The following ERMP1 variants were observed in gnomAD, a reference collection of about 807,000 sequenced individuals.
ERMP1 encodes the protein endoplasmic reticulum metallopeptidase 1, also known as Felix-ina.
Under a neutral mutation model 92.0 loss-of-function variants are expected in ERMP1, and 86 were observed. The ratio of observed to expected loss-of-function variants is 0.93; its 90% CI spans 0.79 to 1.12. The LOEUF (loss-of-function observed/expected upper bound fraction) is 1.12. ERMP1 is among the 50% of genes most tolerant of loss of function. The pLI is 0.00. For synonymous variants in ERMP1, 530 were observed against 412.8 expected (o/e 1.28, Z -3.44); for missense variants, 1,342 against 1,116.3 (o/e 1.20, Z -2.88).
intron 12 of ERMP1, 49 bp downstream of exon 12, chr9:5,798,757 A>AC: frequency 4.1e-6 from 5 of 1,219,152 alleles, no homozygotes; most frequent in Non-Finnish European, 6.0e-6. Flanking sequence ...TGATATGGTG[A>AC]CAAGACTTGA....
intron 11 of ERMP1, among the ~76,000 whole-genome samples, chr9:5,800,346 T>TA (rs796603791): frequency 3.0e-4 from 46 of 152,254 alleles, no homozygotes; most frequent in African/African-American, 1.1e-3. Context: ...GTACCAGGTC[T>TA]AAAAAATTTG....
At chr9:5,809,295 C>T (rs980983821) in intron 8 of ERMP1, among the ~76,000 whole-genome samples, 36 of 152,284 alleles carry the variant, frequency 2.4e-4, no homozygotes, top group Admixed American at 3.9e-4. Flanking sequence ...GCTGGGATTA[C>T]AGGCGTGAGC....
chr9:5,841,615 T>C (rs1414682944), intron 6 of ERMP1, among the ~76,000 whole-genome samples: 4 of 152,128 alleles, frequency 2.6e-5, no homozygotes, highest in African/African-American at 4.8e-5. Flanking sequence ...CTCGCCAACA[T>C]AGTGAAACCT....
chr9:5,796,752 A>G (rs1563749309), intron 13 of ERMP1, among the ~76,000 whole-genome samples: 1 of 152,212 alleles, frequency 6.6e-6, no homozygotes, highest in Non-Finnish European at 1.5e-5. Context: ...GGTGAAGCAC[A>G]GGGCATTTCT....
At chr9:5,804,889 T>C in intron 10 of ERMP1, 138 bp downstream of exon 10, 1 of 664,350 alleles carries the variant, frequency 1.5e-6, no homozygotes, top group African/African-American at 1.8e-5. Context: ...ACAAGATGCA[T>C]GGCCATTCAT....
At chr9:5,812,024 C>T (rs1829116009) in intron 6 of ERMP1, 101 bp downstream of exon 6, 2 of 717,986 alleles carry the variant, frequency 2.8e-6, no homozygotes, top group Middle Eastern at 2.5e-4. Flanking sequence ...ACATTGCATA[C>T]TGCCTCTCTA....
intron 5 of ERMP1, among the ~76,000 whole-genome samples, chr9:5,865,400 T>C (rs978466010): frequency 3.0e-4 from 46 of 151,884 alleles, no homozygotes; most frequent in Non-Finnish European, 4.7e-4. Context: ...CCCAGCTACT[T>C]GGGAGGCTGA....
intron 13 of ERMP1, chr9:5,791,346 T>C: frequency 2.2e-6 from 1 of 455,444 alleles, no homozygotes; most frequent in Non-Finnish European, 4.4e-6. Flanking sequence ...CCATTCCCTC[T>C]CCTTGGGGAA....
chr9:5,815,186 C>A (rs1829254214), intron 4 of ERMP1, among the ~76,000 whole-genome samples: 1 of 152,052 alleles, frequency 6.6e-6, no homozygotes. Context: ...CTACAAACCC[C>A]AAACAAGATA....
intron 5 of ERMP1, among the ~76,000 whole-genome samples, chr9:5,861,170 G>GTGTGTGTGTGT (rs1554630171): frequency 4.7e-4 from 48 of 102,130 alleles, no homozygotes; most frequent in East Asian, 1.3e-3. Flanking sequence ...TGGCTTAGGG[G>GTGTGTGTGTGT]GTGTGTGTGT....
At chr9:5,810,286 T>A (rs1829042238) in intron 7 of ERMP1, 55 bp from the exon 8 acceptor site, 1 of 1,346,882 alleles carries the variant, frequency 7.4e-7, no homozygotes, top group African/African-American at 1.4e-5. Flanking sequence ...ATCAGTTATA[T>A]AACCAGTCAG....
At chr9:5,849,517 C>T (rs1268118288) in intron 6 of ERMP1, among the ~76,000 whole-genome samples, 3 of 152,196 alleles carry the variant, frequency 2.0e-5, no homozygotes, top group Admixed American at 6.5e-5. Flanking sequence ...CTTCATCTCT[C>T]TTCCCACACC....
chr9:5,790,101 G>T (rs181816332), intron 13 of ERMP1, among the ~76,000 whole-genome samples: 15 of 151,506 alleles, frequency 9.9e-5, no homozygotes, highest in Admixed American at 4.6e-4. Flanking sequence ...GAAAATGGGA[G>T]AGAGAAAGAG....
intron 4 of ERMP1, among the ~76,000 whole-genome samples, chr9:5,817,919 G>A (rs1047375411): frequency 1.3e-5 from 2 of 152,146 alleles, no homozygotes; most frequent in African/African-American, 4.8e-5. Flanking sequence ...TGGAAGCCAA[G>A]TAACATGAGG....
chr9:5,860,371 T>C (rs1447320939), intron 5 of ERMP1, among the ~76,000 whole-genome samples: 1 of 152,104 alleles, frequency 6.6e-6, no homozygotes, highest in Non-Finnish European at 1.5e-5. Context: ...GGATGAAGTT[T>C]ACTGCCAGCA....
intron 10 of ERMP1, among the ~76,000 whole-genome samples, chr9:5,803,463 A>C (rs550346550): frequency 6.6e-6 from 1 of 152,312 alleles, no homozygotes; most frequent in African/African-American, 2.4e-5. Flanking sequence ...TCCACAATGA[A>C]CATCTCCAGG....
At chr9:5,845,143 GT>G (rs113368038) in intron 6 of ERMP1, among the ~76,000 whole-genome samples, 1,645 of 18,912 alleles carry the variant, frequency 0.087, 20 homozygotes, top group Middle Eastern at 0.15. Context: ...AACTTTCAGT[GT>G]TTTTTTTTTT....
chr9:5,867,076 G>T (rs1016088411), intron 5 of ERMP1, among the ~76,000 whole-genome samples: 1 of 152,142 alleles, frequency 6.6e-6, no homozygotes, highest in African/African-American at 2.4e-5. Flanking sequence ...CACACCTATA[G>T]TCCTGGCTAC....
At chr9:5,797,492 A>G (rs910503478) in intron 13 of ERMP1, among the ~76,000 whole-genome samples, 1 of 152,100 alleles carries the variant, frequency 6.6e-6, no homozygotes, top group African/African-American at 2.4e-5. Context: ...TACTAAAAAT[A>G]CAAAAATTAG....
Sources: allele counts gnomAD v4.1 joint callset (sites outside exome capture counted in the v4.1 genomes callset), GRCh38; gene constraint gnomAD v4.1.1; transcripts MANE v1.5; gene names NCBI Gene and HGNC (gene_info 2026-07-23, HGNC 2026-07-21).